The following SRGAP1 variants were observed in gnomAD, a reference collection of about 807,000 sequenced individuals.
SRGAP1 encodes the protein SLIT-ROBO Rho GTPase activating protein 1, also known as SLIT-ROBO Rho GTPase-activating protein 1.
In SRGAP1, 43 loss-of-function variants were observed where a neutral mutation model predicts 121.9. That is an observed-to-expected ratio of 0.35 (90% CI 0.28 to 0.46). SRGAP1 has a LOEUF of 0.46. Among genes scored for constraint, SRGAP1 ranks in the 20% least tolerant of loss-of-function variants. The pLI, the probability that SRGAP1 is intolerant of heterozygous loss-of-function variation, is 1.00. For synonymous variants in SRGAP1, 447 were observed against 485.4 expected (o/e 0.92, Z 1.04); for missense variants, 1,102 against 1,350.9 (o/e 0.82, Z 2.89).
At chr12:64,114,968 A>G (rs539855314) in intron 17 of SRGAP1, among the ~76,000 whole-genome samples, 1 of 152,340 alleles carries the variant, frequency 6.6e-6, no homozygotes, top group East Asian at 1.9e-4. Flanking sequence ...TTTGTGGCCC[A>G]TGTATTCCAT....
rs560011821 is a variant in SRGAP1 at position 64,056,768 on chromosome 12, AACC to A, written c.802-6144_802-6142del. Among the ~76,000 whole-genome samples the A allele has an allele frequency of 1.9e-3, 287 of 152,174 alleles. 2 individuals are homozygous for A. The highest frequency in any genetic ancestry group is 6.8e-3 in the Middle Eastern group (2 of 294). On this transcript the variant is annotated intron_variant, in intron 6 of 21. Coordinates refer to ENST00000355086, the MANE Select transcript of SRGAP1 (RefSeq NM_020762.4). ...AGGTACATTAGCTTTCTTTGTTCAG[AACC>A]ACCAAGCTTTTTCTCGCCTGGGGCC...
At chr12:63,966,118 C>A (rs2032784725) in intron 1 of SRGAP1, among the ~76,000 whole-genome samples, 1 of 152,084 alleles carries the variant, frequency 6.6e-6, no homozygotes, top group Admixed American at 6.5e-5. Flanking sequence ...CCGTGCCCAG[C>A]CAAAAGTGCA....
chr12:64,090,776 G>T (rs999777310), intron 11 of SRGAP1, among the ~76,000 whole-genome samples: 1 of 152,122 alleles, frequency 6.6e-6, no homozygotes, highest in African/African-American at 2.4e-5. Flanking sequence ...GAAGGTGGAG[G>T]CTGCAGTGAG....
intron 8 of SRGAP1, among the ~76,000 whole-genome samples, chr12:64,072,646 C>T (rs574949420): frequency 1.3e-5 from 2 of 152,288 alleles, no homozygotes; most frequent in South Asian, 2.1e-4. Context: ...CCTTCCCTCC[C>T]ATCCCTCAGA....
At chr12:64,139,736 T>C (rs2036926493) in intron 21 of SRGAP1, among the ~76,000 whole-genome samples, 1 of 151,858 alleles carries the variant, frequency 6.6e-6, no homozygotes, top group Non-Finnish European at 1.5e-5. Context: ...GCAGAAGCTC[T>C]TTAGTTTAAT....
rs386376760 is a variant in SRGAP1, at chr12:64,012,551, CTTTTTTTT to C, written c.427-4381_427-4374del. 6.1e-3 allele frequency among the ~76,000 whole-genome samples: 475 copies of C among 77,686 alleles called. 2 individuals are homozygous for C. The highest frequency in any genetic ancestry group is 8.0e-3 in the Non-Finnish European group (354 of 44,222). The allele number at this position is 77,686 out of a possible 152,430, so 51.0% of individuals were successfully genotyped here. On this transcript the variant is annotated intron_variant, in intron 3 of 21. Coordinates refer to ENST00000355086, the MANE Select transcript of SRGAP1 (RefSeq NM_020762.4). ...GCTTTCAAATATTTTAAGTTATTAT[CTTTTTTTT>C]TTTTTTTTTTTTTTTTTGAGAGTGG... is the stretch of plus-strand genomic sequence containing the variant.
intron 6 of SRGAP1, among the ~76,000 whole-genome samples, chr12:64,056,966 A>G (rs565796649): frequency 6.6e-6 from 1 of 152,078 alleles, no homozygotes; most frequent in African/African-American, 2.4e-5. Context: ...TCTGGCCTGT[A>G]TTTAATTGGG....
intron 1 of SRGAP1, among the ~76,000 whole-genome samples, chr12:63,933,008 T>G (rs922373894): frequency 6.6e-6 from 1 of 152,108 alleles, no homozygotes; most frequent in Non-Finnish European, 1.5e-5. Context: ...GCCAACATGG[T>G]GAAACCCCAT....
chr12:63,940,862 A>G (rs1660517628), intron 1 of SRGAP1, among the ~76,000 whole-genome samples: 1 of 152,188 alleles, frequency 6.6e-6, no homozygotes, highest in Non-Finnish European at 1.5e-5. Context: ...ATTATGCATC[A>G]TCGGCATATG....
intron 15 of SRGAP1, among the ~76,000 whole-genome samples, chr12:64,098,883 A>G (rs116855585): frequency 0.02 from 3,000 of 152,236 alleles, 47 homozygotes; most frequent in Non-Finnish European, 0.03. Flanking sequence ...GCTGTCCATG[A>G]TAACCATTCA....
chr12:63,897,656 A>T (rs983092264), intron 1 of SRGAP1, among the ~76,000 whole-genome samples: 1 of 152,192 alleles, frequency 6.6e-6, no homozygotes, highest in Non-Finnish European at 1.5e-5. Flanking sequence ...AAATAGCATA[A>T]TTTCCCACAG....
rs2037174076 is a variant in SRGAP1, at chr12:64,157,644, A to G, written c.*14972A>G. The G allele has an allele frequency of 2.6e-5, 4 of 152,358 alleles. No homozygotes were observed. In the South Asian group the frequency reaches 6.2e-4, roughly 24 times the overall value. 9.4% of individuals were successfully genotyped at this position (152,358 alleles called of 1,614,324 possible). On this transcript the variant is annotated 3_prime_UTR_variant, in exon 22 of 22. Transcript: ENST00000355086. ...ATAGAAAAAAGAATAAAATGTCTTT[A>G]AAAATTTATATTTCAAGTGTGTGGG... is the stretch of plus-strand genomic sequence containing the variant.
intron 6 of SRGAP1, among the ~76,000 whole-genome samples, chr12:64,057,748 G>GAAT (rs1354161880): frequency 6.6e-6 from 1 of 152,148 alleles, no homozygotes; most frequent in Non-Finnish European, 1.5e-5. Flanking sequence ...AATGAAGGTA[G>GAAT]AATAATTCTG....
In SRGAP1 at chr12:63,937,012, G is replaced by T. The variant is rs540798856; in HGVS notation, c.68-46935G>T. On this transcript the variant is annotated intron_variant, in intron 1 of 21. Coordinates refer to ENST00000355086, the MANE Select transcript of SRGAP1 (RefSeq NM_020762.4). Reference sequence around the variant, plus strand: ...ATGTGGTACTTAATTCATCAGTTCTGGAGTGAATGCCTGTTCTATGCCCAG... The same window carrying T: ...ATGTGGTACTTAATTCATCAGTTCTTGAGTGAATGCCTGTTCTATGCCCAG... Among the ~76,000 whole-genome samples the T allele has an allele frequency of 1.1e-4, 17 of 152,240 alleles. No individual in the cohort carries two copies. In the South Asian group the frequency reaches 3.1e-3, roughly 28 times the overall value.
intron 1 of SRGAP1, among the ~76,000 whole-genome samples, chr12:63,850,015 A>G (rs1223593813): frequency 6.6e-6 from 1 of 152,086 alleles, no homozygotes; most frequent in African/African-American, 2.4e-5. Context: ...ACATTGATTA[A>G]CTCTAACCAA....
At chr12:64,131,598 A>C (rs149033100) in intron 21 of SRGAP1, among the ~76,000 whole-genome samples, 4,707 of 152,180 alleles carry the variant, frequency 0.031, 76 homozygotes, top group Middle Eastern at 0.11. Context: ...TTCCTCTGTC[A>C]AGTGATCATA....
chr12:63,934,426 A>G (rs1484348931), intron 1 of SRGAP1, among the ~76,000 whole-genome samples: 1 of 152,166 alleles, frequency 6.6e-6, no homozygotes, highest in Non-Finnish European at 1.5e-5. Flanking sequence ...CCCTGCAGCT[A>G]TCCCACCACT....
At chr12:64,010,888 G>A (rs1335854274) in intron 3 of SRGAP1, among the ~76,000 whole-genome samples, 2 of 151,356 alleles carry the variant, frequency 1.3e-5, no homozygotes, top group Admixed American at 1.3e-4. Context: ...CTCTTAGCCA[G>A]TATACTAGAT....
intron 1 of SRGAP1, among the ~76,000 whole-genome samples, chr12:63,945,686 C>G (rs943728690): frequency 2.4e-4 from 36 of 152,220 alleles, no homozygotes; most frequent in African/African-American, 8.2e-4. Flanking sequence ...TTGGTTGTTA[C>G]TATCCAAGGC....
Sources: gnomAD v4.1 joint callset for allele counts (sites outside exome capture counted in the v4.1 genomes callset) on GRCh38, gnomAD v4.1.1 for gene constraint, MANE v1.5 for transcripts, NCBI Gene and HGNC (gene_info 2026-07-23, HGNC 2026-07-21) for gene names.